The following PDE3A variants were observed in gnomAD, a reference collection of about 807,000 sequenced individuals.
The protein encoded by PDE3A is cGMP-inhibited 3',5'-cyclic phosphodiesterase 3A.
Under a neutral mutation model 98.3 loss-of-function variants are expected in PDE3A, and 43 were observed. The observed-to-expected ratio is 0.44, with a 90% CI of 0.34 to 0.56. PDE3A has a LOEUF of 0.56. Among genes scored for constraint, PDE3A ranks in the 20% least tolerant of loss-of-function variants. The pLI, the probability that PDE3A is intolerant of heterozygous loss-of-function variation, is 0.01. For synonymous variants in PDE3A, 663 were observed against 567.9 expected, an observed-to-expected ratio of 1.17 and a Z score of -2.38; for missense variants, 1,427 against 1,440.7, an observed-to-expected ratio of 0.99 and a Z score of 0.15.
intron 5 of PDE3A, among the ~76,000 whole-genome samples, chr12:20,627,237 A>G (rs556227855): frequency 1.6e-4 from 24 of 151,296 alleles, no homozygotes; most frequent in African/African-American, 3.4e-4. Flanking sequence ...CACAGTGTCT[A>G]TCAGGAATCT....
intron 5 of PDE3A, among the ~76,000 whole-genome samples, chr12:20,627,526 T>C (rs1944292644): frequency 6.6e-6 from 1 of 151,940 alleles, no homozygotes; most frequent in Admixed American, 6.6e-5. Flanking sequence ...TCTCTAAATG[T>C]CTTCTGTATT....
chr12:20,674,268 C>T (rs967412566), intron 15 of PDE3A, among the ~76,000 whole-genome samples: 1 of 152,092 alleles, frequency 6.6e-6, no homozygotes, highest in Admixed American at 6.5e-5. Flanking sequence ...CAAAGAGGGA[C>T]AATTTGACTT....
chr12:20,676,452 CTAGA>C (rs1470145441), intron 15 of PDE3A, among the ~76,000 whole-genome samples: 6 of 150,048 alleles, frequency 4.0e-5, no homozygotes, highest in Non-Finnish European at 5.9e-5. Context: ...TTATAAGTTA[CTAGA>C]TACTTTTCTT....
chr12:20,674,915 G>T (rs146243212), intron 15 of PDE3A, among the ~76,000 whole-genome samples: 93 of 151,602 alleles, frequency 6.1e-4, no homozygotes, highest in African/African-American at 2.1e-3. Flanking sequence ...TTGACACATT[G>T]TACTTTTTAA....
At chr12:20,422,586 T>C (rs894847071) in intron 1 of PDE3A, among the ~76,000 whole-genome samples, 2 of 152,150 alleles carry the variant, frequency 1.3e-5, no homozygotes, top group Non-Finnish European at 2.9e-5. Context: ...TAGAAAATAT[T>C]CTCTATCAGA....
At chr12:20,485,311 C>A (rs937930875) in intron 1 of PDE3A, among the ~76,000 whole-genome samples, 23 of 150,228 alleles carry the variant, frequency 1.5e-4, no homozygotes, top group East Asian at 1.0e-3. Flanking sequence ...ATCCAAATTT[C>A]TTTTTTATAA....
intron 1 of PDE3A, among the ~76,000 whole-genome samples, chr12:20,454,796 C>A (rs992171664): frequency 3.3e-5 from 5 of 152,172 alleles, no homozygotes; most frequent in South Asian, 4.1e-4. Context: ...TTGCACAGGA[C>A]ATGATCTCAT....
chr12:20,433,049 C>A (rs957242150), intron 1 of PDE3A, among the ~76,000 whole-genome samples: 6 of 152,140 alleles, frequency 3.9e-5, no homozygotes, highest in Non-Finnish European at 5.9e-5. Flanking sequence ...GTAATTGAAG[C>A]ACTTCTGAAC....
At position 20,598,010 on chromosome 12, in the gene PDE3A, C is replaced by T. The variant is rs150968289; in HGVS notation, c.1012-15433C>T. Among the ~76,000 whole-genome samples, 6 of 152,170 alleles carry T rather than the reference C, an allele frequency of 3.9e-5. No individual in the cohort carries two copies. In the East Asian group the frequency reaches 1.2e-3, roughly 29 times the overall value. On this transcript the variant is annotated intron_variant, in intron 2 of 15. Transcript: ENST00000359062. Reference sequence around the variant, plus strand: ...GTGCTCATAAGCTTCAAAATCACTTCTAACAGTGTTTCTTTAGAGAAAACA... The same window carrying T: ...GTGCTCATAAGCTTCAAAATCACTTTTAACAGTGTTTCTTTAGAGAAAACA...
chr12:20,603,555 T>G (rs1429748470), intron 2 of PDE3A, among the ~76,000 whole-genome samples: 1 of 147,644 alleles, frequency 6.8e-6, no homozygotes, highest in East Asian at 1.9e-4. Flanking sequence ...GTTTTATTTA[T>G]TTATTTAATT....
chr12:20,548,047 T>C (rs1344835692), intron 1 of PDE3A, among the ~76,000 whole-genome samples: 1 of 152,124 alleles, frequency 6.6e-6, no homozygotes, highest in Non-Finnish European at 1.5e-5. Context: ...AGAAATTTAT[T>C]ATTAAAAATA....
rs1432995418 is a variant in PDE3A at position 20,386,214 on chromosome 12, AAT to A, written c.960+15976_960+15977del. 9.0e-3 allele frequency among the ~76,000 whole-genome samples: 496 copies of A among 55,168 alleles called. 13 individuals carry two copies. Among genetic ancestry groups the A allele is most frequent in the African/African-American group, 0.027 (404 of 15,014 alleles). 36.2% of individuals were successfully genotyped at this position (55,168 alleles called of 152,430 possible). A position where few individuals can be genotyped will look rare whatever the true frequency, so the allele number is the denominator to read the frequency against. ...ATATAAATATATAAAAATATATATAAATATATAAAAAATAAAAATATAAATAT... is the reference window on the plus strand; with the variant it reads ...ATATAAATATATAAAAATATATATAAATATAAAAAATAAAAATATAAATAT... On this transcript the variant is annotated intron_variant, in intron 1 of 15. Coordinates refer to ENST00000359062, the MANE Select transcript of PDE3A (RefSeq NM_000921.5).
chr12:20,532,618 G>A (rs1941633476), intron 1 of PDE3A, among the ~76,000 whole-genome samples: 2 of 151,442 alleles, frequency 1.3e-5, no homozygotes, highest in African/African-American at 4.9e-5. Context: ...TAGCAATACT[G>A]ACAAGAGAAA....
intron 1 of PDE3A, among the ~76,000 whole-genome samples, chr12:20,466,056 A>G (rs1403755844): frequency 6.6e-6 from 1 of 151,976 alleles, no homozygotes; most frequent in Non-Finnish European, 1.5e-5. Context: ...TGGCCCATTT[A>G]TTTTTCTGTC....
chr12:20,662,496 A>G (rs773078412), intron 15 of PDE3A, among the ~76,000 whole-genome samples: 8 of 152,174 alleles, frequency 5.3e-5, no homozygotes, highest in African/African-American at 1.2e-4. Flanking sequence ...TGACTGCCCT[A>G]TTGAATTTTA....
At chr12:20,492,356 T>G (rs1945842485) in intron 1 of PDE3A, among the ~76,000 whole-genome samples, 1 of 151,834 alleles carries the variant, frequency 6.6e-6, no homozygotes, top group Non-Finnish European at 1.5e-5. Flanking sequence ...GCAGGGTGAG[T>G]AGAAGCACAG....
At chr12:20,537,374 C>G (rs1460351184) in intron 1 of PDE3A, among the ~76,000 whole-genome samples, 1 of 151,962 alleles carries the variant, frequency 6.6e-6, no homozygotes, top group Non-Finnish European at 1.5e-5. Context: ...TTTTCACTTT[C>G]TTAATGCCAT....
At chr12:20,483,457 A>G (rs1945668833) in intron 1 of PDE3A, among the ~76,000 whole-genome samples, 1 of 152,224 alleles carries the variant, frequency 6.6e-6, no homozygotes, top group Non-Finnish European at 1.5e-5. Context: ...AATGACTTGC[A>G]AATGAGAAGA....
chr12:20,537,722 C>T (rs945302536), intron 1 of PDE3A, among the ~76,000 whole-genome samples: 3 of 151,876 alleles, frequency 2.0e-5, no homozygotes, highest in Admixed American at 6.6e-5. Context: ...TTCCAAAAGC[C>T]GTTTTAATCT....
Sources: gnomAD v4.1 joint callset for allele counts (sites outside exome capture counted in the v4.1 genomes callset) on GRCh38, gnomAD v4.1.1 for gene constraint, MANE v1.5 for transcripts, NCBI Gene and HGNC (gene_info 2026-07-23, HGNC 2026-07-21) for gene names.